The following BRF1 variants were observed in gnomAD, a reference collection of about 807,000 sequenced individuals.
BRF1 encodes the protein BRF1 general transcription factor IIIB subunit.
Under a neutral mutation model 81.7 loss-of-function variants are expected in BRF1, and 59 were observed. The observed-to-expected ratio is 0.72, with a 90% CI of 0.59 to 0.90. BRF1 has a LOEUF of 0.90. Ranked by LOEUF, BRF1 falls within the 40% of genes least tolerant of loss-of-function variation. The probability of loss-of-function intolerance (pLI) is 0.00; values close to 1 mark genes in which losing one functional copy is unlikely to be tolerated. For synonymous variants in BRF1, 491 were observed against 395.6 expected (o/e 1.24, Z -2.86); for missense variants, 1,050 against 936.3 (o/e 1.12, Z -1.58).
intron 5 of BRF1, chr14:105,249,597 G>A (rs2055456892): frequency 1.3e-6 from 2 of 1,588,900 alleles, no homozygotes; most frequent in South Asian, 2.3e-5. Flanking sequence ...CCCGCGATGG[G>A]TGCTTGGGAG....
At chr14:105,260,660 G>A (rs1402605116) in intron 3 of BRF1, among the ~76,000 whole-genome samples, 1 of 152,072 alleles carries the variant, frequency 6.6e-6, no homozygotes, top group African/African-American at 2.4e-5. Context: ...ACAGACATAA[G>A]CCACCAAGCT....
chr14:105,219,937 G>A, intron 12 of BRF1, 132 bp downstream of exon 12: 1 of 941,954 alleles, frequency 1.1e-6, no homozygotes. Context: ...CAGAAGGCCA[G>A]GAGCCCACTT....
At position 105,221,631 on chromosome 14, in the gene BRF1, G is replaced by T; in HGVS notation, c.1315+17C>A. On this transcript the variant is annotated intron_variant, in intron 11 of 17. Transcript: ENST00000547530. The stretch of plus-strand genomic sequence containing the variant: ...CCCGATGACCTCAGCGTCCCCCAGG[G>T]CCCCATCAGAACTCACTGGGGTCGC... 2 of 1,603,168 alleles carry T rather than the reference G, an allele frequency of 1.2e-6. No individual in the cohort carries two copies. Among genetic ancestry groups the T allele is most frequent in the Non-Finnish European group, 1.7e-6 (2 of 1,177,766 alleles).
intron 1 of BRF1, among the ~76,000 whole-genome samples, chr14:105,287,335 C>T (rs1210029580): frequency 6.6e-6 from 1 of 152,226 alleles, no homozygotes; most frequent in Non-Finnish European, 1.5e-5. Flanking sequence ...CCAACCCAAA[C>T]GCTGCGGCCT....
In BRF1 at chr14:105,215,760, TACACATGCACACACACTGCACACAC is replaced by T. The variant is rs1170271006; in HGVS notation, c.1772+1759_1772+1783del. On this transcript the variant is annotated intron_variant, in intron 15 of 17. Transcript: ENST00000547530. ...CACTGCATACACAGACACAGGCACA[TACACATGCACACACACTGCACACAC>T]ACACATGCACACACACTGCATACAC... 1.2e-3 allele frequency among the ~76,000 whole-genome samples: 57 copies of T among 49,184 alleles called. 1 individual carries two copies. In the South Asian group the frequency reaches 0.035, roughly 30 times the overall value. The allele number at this position is 49,184 out of a possible 152,430, so 32.3% of individuals were successfully genotyped here. A position where few individuals can be genotyped will look rare whatever the true frequency, so the allele number is the denominator to read the frequency against.
intron 1 of BRF1, among the ~76,000 whole-genome samples, chr14:105,291,223 A>C (rs2057495436): frequency 6.6e-6 from 1 of 152,074 alleles, no homozygotes; most frequent in African/African-American, 2.4e-5. Context: ...GGCACCTCTG[A>C]GCTCCGACAA....
chr14:105,280,507 G>T (rs927287665), intron 2 of BRF1, among the ~76,000 whole-genome samples: 1 of 152,254 alleles, frequency 6.6e-6, no homozygotes, highest in African/African-American at 2.4e-5. Flanking sequence ...CGTGAGCCTG[G>T]GTGTGTGGTG....
Position 105,209,560 on chromosome 14 carries a change from C to A in BRF1, c.*991G>T, listed in dbSNP as rs779421036. Reference sequence around the variant, plus strand: ...CTCGGCCACATCCGGGGCAGCCATGCCAGAGCTGAGACCTCCTACGAGTGG... The same window carrying A: ...CTCGGCCACATCCGGGGCAGCCATGACAGAGCTGAGACCTCCTACGAGTGG... On this transcript the variant is annotated 3_prime_UTR_variant, in exon 18 of 18. Transcript: ENST00000547530. 1.3e-4 allele frequency: 90 copies of A among 702,570 alleles called. 1 individual carries two copies. The highest frequency in any genetic ancestry group is 9.3e-4 in the South Asian group (63 of 67,606). 43.5% of individuals were successfully genotyped at this position (702,570 alleles called of 1,614,324 possible).
intron 15 of BRF1, 160 bp downstream of exon 15, chr14:105,217,384 C>G: frequency 8.6e-7 from 1 of 1,156,400 alleles, no homozygotes; most frequent in Non-Finnish European, 1.2e-6. Context: ...TGTCAAGGTG[C>G]CGGAGAAGGC....
chr14:105,229,427 C>A (rs985181508), intron 6 of BRF1, among the ~76,000 whole-genome samples: 1 of 152,234 alleles, frequency 6.6e-6, no homozygotes, highest in Non-Finnish European at 1.5e-5. Context: ...CGGTACCTGG[C>A]CTGCCGGGTA....
intron 2 of BRF1, among the ~76,000 whole-genome samples, chr14:105,285,586 T>C (rs950538618): frequency 6.6e-6 from 1 of 152,192 alleles, no homozygotes; most frequent in African/African-American, 2.4e-5. Context: ...ATCTTCACGA[T>C]TTGGACTGGA....
chr14:105,211,737 G>C (rs1309764427), intron 16 of BRF1: 1 of 379,168 alleles, frequency 2.6e-6, no homozygotes, highest in Non-Finnish European at 4.9e-6. Flanking sequence ...GGCCAGACCA[G>C]TCCCCAACAA....
chr14:105,241,073 C>G (rs890140285), intron 6 of BRF1, among the ~76,000 whole-genome samples, 192 bp downstream of exon 6: 1 of 152,240 alleles, frequency 6.6e-6, no homozygotes, highest in Non-Finnish European at 1.5e-5. Context: ...CACGCAGAGG[C>G]CAACGGGGCA....
chr14:105,213,870 C>G (rs587594870), intron 15 of BRF1, among the ~76,000 whole-genome samples: 1 of 152,334 alleles, frequency 6.6e-6, no homozygotes, highest in East Asian at 1.9e-4. Flanking sequence ...AGCTGGGGGC[C>G]TGTCTCAAGG....
At chr14:105,220,550 G>A (rs587660660) in intron 11 of BRF1, among the ~76,000 whole-genome samples, 2 of 152,296 alleles carry the variant, frequency 1.3e-5, no homozygotes, top group East Asian at 3.9e-4. Flanking sequence ...CCATAGGTCT[G>A]GGGATAGAAA....
chr14:105,212,278 C>G (rs1890241362), intron 15 of BRF1, 114 bp from the exon 16 acceptor site: 1 of 1,380,462 alleles, frequency 7.2e-7, no homozygotes, highest in African/African-American at 1.4e-5. Flanking sequence ...TTCTCTGTCC[C>G]TTTGGAAGCC....
At chr14:105,250,701 CGAGT>C in intron 5 of BRF1, 1 of 1,583,926 alleles carries the variant, frequency 6.3e-7, no homozygotes, top group Non-Finnish European at 8.6e-7. Context: ...AGCAGGTCAG[CGAGT>C]GAGTGGAGGG....
At chr14:105,273,871 T>C (rs2056764217) in intron 2 of BRF1, among the ~76,000 whole-genome samples, 1 of 152,238 alleles carries the variant, frequency 6.6e-6, no homozygotes, top group African/African-American at 2.4e-5. Flanking sequence ...GAGAAAGACC[T>C]GACCGTCCCC....
chr14:105,219,350 C>T lies in BRF1; in HGVS notation c.1378-118G>A, dbSNP rs1032097925. Reference sequence around the variant, plus strand: ...TTAGAGGAAGGGGAACCCGGGGCAGCCTCTATTTAGTGCGGAGCCTGGGCT... The same window carrying T: ...TTAGAGGAAGGGGAACCCGGGGCAGTCTCTATTTAGTGCGGAGCCTGGGCT... On this transcript the variant is annotated intron_variant, in intron 12 of 17. Transcript: ENST00000547530. The T allele has an allele frequency of 1.7e-4, 258 of 1,532,588 alleles. 1 individual carries two copies. Among genetic ancestry groups the T allele is most frequent in the Non-Finnish European group, 2.2e-4 (248 of 1,139,188 alleles). The allele number at this position is 1,532,588 out of a possible 1,614,324, so 94.9% of individuals were successfully genotyped here. A position where few individuals can be genotyped will look rare whatever the true frequency, so the allele number is the denominator to read the frequency against.
Sources: gnomAD v4.1 joint callset for allele counts (sites outside exome capture counted in the v4.1 genomes callset) on GRCh38, gnomAD v4.1.1 for gene constraint, MANE v1.5 for transcripts, NCBI Gene and HGNC (gene_info 2026-07-23, HGNC 2026-07-21) for gene names.